DHDDS: variants seen among roughly 807,000 people sequenced by gnomAD.
DHDDS encodes dehydrodolichyl diphosphate synthase subunit, also known as dehydrodolichyl diphosphate synthase complex subunit DHDDS.
Under a neutral mutation model 46.2 loss-of-function variants are expected in DHDDS, and 16 were observed. That is an observed-to-expected ratio of 0.35 (90% confidence interval 0.23 to 0.53). The LOEUF is 0.53. Ranked by LOEUF, DHDDS falls within the 20% of genes least tolerant of loss-of-function variation. DHDDS has a pLI of 0.94. For synonymous variants in DHDDS, 151 were observed against 163.1 expected (o/e 0.93, Z 0.56); for missense variants, 340 against 423.7 (o/e 0.80, Z 1.73).
intron 8 of DHDDS, 120 bp from the exon 9 acceptor site, chr1:26,468,775 A>C: frequency 7.2e-7 from 1 of 1,385,210 alleles, no homozygotes; most frequent in Non-Finnish European, 9.9e-7. Context: ...TCTGGTACCT[A>C]CTTTCCACTG....
At position 26,454,821 on chromosome 1, in the gene DHDDS, GTGCTT is replaced by G. The variant is rs2124473553; in HGVS notation, c.543-2967_543-2963del. The G allele has an allele frequency of 1.9e-6, 3 of 1,581,184 alleles. No homozygotes were observed. In the East Asian group the frequency reaches 6.7e-5, roughly 35 times the overall value. ...CTGTAGGTCCAGCGGCACATCTTAG[GTGCTT>G]TGTTCACTTGGATATGCTCAATGAC... On this transcript the variant is annotated intron_variant, in intron 6 of 8. Transcript: ENST00000236342.
chr1:26,436,623 C>A (rs1296230714), intron 2 of DHDDS, among the ~76,000 whole-genome samples: 1 of 151,568 alleles, frequency 6.6e-6, no homozygotes, highest in Middle Eastern at 3.2e-3. Context: ...CGGGGTTTCA[C>A]CGTGTTAGCC....
intron 3 of DHDDS, among the ~76,000 whole-genome samples, chr1:26,438,956 A>G (rs1012303836): frequency 1.1e-4 from 16 of 152,106 alleles, no homozygotes; most frequent in Non-Finnish European, 2.1e-4. Context: ...TTTGTTTGAG[A>G]CAGTCTCACT....
In DHDDS at chr1:26,470,788, T is replaced by C. The variant is rs2075547637; in HGVS notation, c.*1657T>C. The C allele has an allele frequency of 6.6e-6, 1 of 152,642 alleles. No homozygotes were observed. The highest frequency in any genetic ancestry group is 1.5e-5 in the Non-Finnish European group (1 of 68,048). The allele number at this position is 152,642 out of a possible 1,614,324, so 9.5% of individuals were successfully genotyped here. A position where few individuals can be genotyped will look rare whatever the true frequency, so the allele number is the denominator to read the frequency against. On this transcript the variant is annotated 3_prime_UTR_variant, in exon 9 of 9. Coordinates refer to ENST00000236342, the MANE Select transcript of DHDDS (RefSeq NM_205861.3). ...ATTTTACAGCTTTACAATGGGGCTGTTGACAGCCATAATTAGGGAGGCATG... is the reference window on the plus strand; with the variant it reads ...ATTTTACAGCTTTACAATGGGGCTGCTGACAGCCATAATTAGGGAGGCATG...
chr1:26,469,659 G>GA lies in DHDDS; in HGVS notation c.*528_*529insA. ...TGCCCATCTGCTGCTCCTCCCCCTT[G>GA]GCTCTCCACCTGGGATTTGCTATTG... On this transcript the variant is annotated 3_prime_UTR_variant, in exon 9 of 9. Coordinates refer to ENST00000236342, the MANE Select transcript of DHDDS (RefSeq NM_205861.3). 3.6e-5 allele frequency: 8 copies of GA among 223,546 alleles called. No individual in the cohort carries two copies. The highest frequency in any genetic ancestry group is 1.0e-4 in the Admixed American group (2 of 19,364). 13.8% of individuals were successfully genotyped at this position (223,546 alleles called of 1,614,324 possible).
chr1:26,433,662 C>G (rs892844134), intron 2 of DHDDS, among the ~76,000 whole-genome samples: 2 of 103,930 alleles, frequency 1.9e-5, no homozygotes, highest in African/African-American at 7.9e-5. Flanking sequence ...GAGTTCAGAA[C>G]AAGACTCTGT....
chr1:26,459,988 G>A (rs376155556), intron 7 of DHDDS, 49 bp from the exon 8 acceptor site: 24 of 1,485,216 alleles, frequency 1.6e-5, no homozygotes, highest in East Asian at 4.5e-5. Flanking sequence ...CCAGGGATGC[G>A]GCCCAGCAAC....
chr1:26,440,945 G>A (rs1262742308), intron 3 of DHDDS, among the ~76,000 whole-genome samples: 1 of 148,238 alleles, frequency 6.7e-6, no homozygotes. Context: ...TTTTTTTTGA[G>A]ACGGAGTGTT....
At chr1:26,447,526 CT>C (rs1276463118) in intron 5 of DHDDS, 32 bp from the exon 6 acceptor site, 1 of 1,568,170 alleles carries the variant, frequency 6.4e-7, no homozygotes, top group African/African-American at 1.4e-5. Flanking sequence ...CCCTGTCCCC[CT>C]TTGGTAAATT....
chr1:26,453,956 C>CT (rs1301791254), intron 6 of DHDDS, among the ~76,000 whole-genome samples: 6 of 132,572 alleles, frequency 4.5e-5, no homozygotes, highest in African/African-American at 1.3e-4. Flanking sequence ...GAGTTAACCC[C>CT]TTTTTTTTTG....
intron 8 of DHDDS, chr1:26,467,267 A>G (rs1214110226): frequency 4.3e-6 from 2 of 465,850 alleles, no homozygotes; most frequent in African/African-American, 2.0e-5. Context: ...GCATCTCCAT[A>G]TCCTCAAAAA....
In DHDDS at chr1:26,454,946, C is replaced by A. The variant is rs184679150; in HGVS notation, c.543-2845C>A. ...TTCAGCACTCTTTTTGGGCCACTGA[C>A]CTTGTGTCCAGCCCCACTGCTTGGC... On this transcript the variant is annotated intron_variant, in intron 6 of 8. Transcript: ENST00000236342. 848 of 1,602,558 alleles carry A rather than the reference C, an allele frequency of 5.3e-4. 3 individuals are homozygous for A. In the African/African-American group the frequency reaches 8.6e-3, roughly 16 times the overall value.
Position 26,457,226 on chromosome 1 carries a change from A to AG in DHDDS, c.543-557dup, listed in dbSNP as rs1205364207. Among the ~76,000 whole-genome samples the AG allele has an allele frequency of 3.8e-3, 533 of 139,484 alleles. 4 individuals are homozygous for AG. Among genetic ancestry groups the AG allele is most frequent in the African/African-American group, 0.013 (480 of 37,258 alleles). 91.5% of individuals were successfully genotyped at this position (139,484 alleles called of 152,430 possible). A position where few individuals can be genotyped will look rare whatever the true frequency, so the allele number is the denominator to read the frequency against. On this transcript the variant is annotated intron_variant, in intron 6 of 8. Coordinates refer to ENST00000236342, the MANE Select transcript of DHDDS (RefSeq NM_205861.3). ...GTAATCCCAGCACTTTCAGAGGCCG[A>AG]GGGGGGGGCGGATCACGAGGTCAGG...
chr1:26,457,818 G>A lies in DHDDS; in HGVS notation c.570G>A (p.Lys190=), dbSNP rs1570357051. ...PSDISESLLD[K]CLYTNRSPHP... Reference sequence around the variant, plus strand: ...ATATCTCTGAGTCTCTGCTTGATAAGTGCCTCTATACCAACCGCTCTCCTC... The same window carrying A: ...ATATCTCTGAGTCTCTGCTTGATAAATGCCTCTATACCAACCGCTCTCCTC... Residue 190 remains lysine (K), a synonymous_variant, in exon 7 of 9, where the codon AAG becomes AAA. Coordinates refer to ENST00000236342, the MANE Select transcript of DHDDS (RefSeq NM_205861.3). 3.1e-6 allele frequency: 5 copies of A among 1,613,902 alleles called. No individual in the cohort carries two copies. Among genetic ancestry groups the A allele is most frequent in the Non-Finnish European group, 3.4e-6 (4 of 1,179,932 alleles).
At chr1:26,443,320 T>C (rs1286896941) in intron 4 of DHDDS, among the ~76,000 whole-genome samples, 1 of 152,092 alleles carries the variant, frequency 6.6e-6, no homozygotes, top group Non-Finnish European at 1.5e-5. Flanking sequence ...GCCAAGGAAG[T>C]GGAGTTAAAG....
intron 4 of DHDDS, 33 bp from the exon 5 acceptor site, chr1:26,446,283 C>A (rs149634175): frequency 1.2e-6 from 2 of 1,603,570 alleles, no homozygotes; most frequent in South Asian, 2.2e-5. Context: ...CAGCAGGGGC[C>A]CTATCCCAAT....
At chr1:26,434,789 G>T (rs1289286243) in intron 2 of DHDDS, among the ~76,000 whole-genome samples, 1 of 151,132 alleles carries the variant, frequency 6.6e-6, no homozygotes, top group Non-Finnish European at 1.5e-5. Flanking sequence ...AAGTAGCTGG[G>T]ATTATAGGCA....
chr1:26,450,382 A>G (rs1206395988), intron 6 of DHDDS, among the ~76,000 whole-genome samples: 1 of 152,086 alleles, frequency 6.6e-6, no homozygotes, highest in East Asian at 1.9e-4. Context: ...CCTGGCCTCA[A>G]GTGGTCTTCT....
At chr1:26,458,856 C>CTGT (rs2075396924) in intron 7 of DHDDS, among the ~76,000 whole-genome samples, 1 of 151,864 alleles carries the variant, frequency 6.6e-6, no homozygotes, top group African/African-American at 2.4e-5. Flanking sequence ...TTTTAAGAGA[C>CTGT]TACAGAGTCA....
Sources: allele counts gnomAD v4.1 joint callset (sites outside exome capture counted in the v4.1 genomes callset), GRCh38; gene constraint gnomAD v4.1.1; transcripts MANE v1.5; gene names NCBI Gene and HGNC (gene_info 2026-07-23, HGNC 2026-07-21).